The following HOXD13 variants were observed in gnomAD, a reference collection of about 807,000 sequenced individuals.
HOXD13 encodes homeobox D13, also known as homeobox protein Hox-D13.
A neutral mutation model predicts 27.3 loss-of-function variants in HOXD13; 16 were observed. The ratio of observed to expected loss-of-function variants is 0.59; its 90% confidence interval spans 0.40 to 0.89. HOXD13 has a LOEUF of 0.89. HOXD13 is among the 40% of genes least tolerant of loss of function. HOXD13 has a pLI of 0.00. For missense variants in HOXD13, 481 were observed against 482.6 expected (o/e 1.00, Z 0.03); for synonymous variants, 241 against 219.0 (o/e 1.10, Z -0.89).
Position 176,094,690 on chromosome 2 carries a change from A to G in HOXD13, c.992A>G (p.Asp331Gly). 6.2e-7 allele frequency: 1 copy of G among 1,614,142 alleles called. No homozygotes were observed. Among genetic ancestry groups the G allele is most frequent in the Non-Finnish European group, 8.5e-7 (1 of 1,179,962 alleles). Residue 331 changes from aspartate to glycine, a missense_variant, in exon 2 of 2, where the codon GAC (aspartate) becomes GGC (glycine). Coordinates refer to ENST00000392539, the MANE Select transcript of HOXD13 (RefSeq NM_000523.4). Reference protein sequence around the residue: ...TIWFQNRRVKDKKIVSKLKDT... With the variant: ...TIWFQNRRVKGKKIVSKLKDT... ...TGGTTTCAGAACCGAAGAGTGAAGG[A>G]CAAGAAAATTGTCTCCAAGCTCAAA... is the stretch of plus-strand genomic sequence containing the variant.
chr2:176,094,006 C>G (rs1689374426), intron 1 of HOXD13, among the ~76,000 whole-genome samples: 1 of 152,058 alleles, frequency 6.6e-6, no homozygotes, highest in African/African-American at 2.4e-5. Flanking sequence ...GAGTTGGGTC[C>G]CCCCATTTTC....
Position 176,095,435 on chromosome 2 carries a change from T to G in HOXD13, c.*705T>G, listed in dbSNP as rs1438927019. 1 of 230,088 alleles carries G rather than the reference T, an allele frequency of 4.3e-6. No homozygotes were observed. The highest frequency in any genetic ancestry group is 2.2e-5 in the African/African-American group (1 of 45,166). The allele number at this position is 230,088 out of a possible 1,614,324, so 14.3% of individuals were successfully genotyped here. A position where few individuals can be genotyped will look rare whatever the true frequency, so the allele number is the denominator to read the frequency against. On this transcript the variant is annotated 3_prime_UTR_variant, in exon 2 of 2. Coordinates refer to ENST00000392539, the MANE Select transcript of HOXD13 (RefSeq NM_000523.4). The stretch of plus-strand genomic sequence containing the variant: ...GGTTTGTGTTTTCATAATCTTTAAT[T>G]TGAAACTCATGTGTCCTCATGGATC...
In HOXD13 at chr2:176,094,837, G is replaced by C; in HGVS notation, c.*107G>C. 1 of 1,003,038 alleles carries C rather than the reference G, an allele frequency of 1.0e-6. No homozygotes were observed. Among genetic ancestry groups the C allele is most frequent in the East Asian group, 2.5e-5 (1 of 40,796 alleles). The allele number at this position is 1,003,038 out of a possible 1,614,324, so 62.1% of individuals were successfully genotyped here. On this transcript the variant is annotated 3_prime_UTR_variant, in exon 2 of 2. Transcript: ENST00000392539. ...TAATTCCCCCCACCCCCTGCCAATG[G>C]TGGCAAATTTTGTGAATTGTTTTTC...
In HOXD13 at chr2:176,093,064, GGCGGCGGCA is replaced by G. The variant is rs749930395; in HGVS notation, c.183_191del (p.Ala69_Ala71del). 4.5e-3 allele frequency: 6,166 copies of G among 1,378,998 alleles called. 74 individuals carry two copies. The highest frequency in any genetic ancestry group is 5.2e-3 in the Non-Finnish European group (5,557 of 1,077,134). 85.4% of individuals were successfully genotyped at this position (1,378,998 alleles called of 1,614,324 possible). On this transcript the variant is annotated inframe_deletion, in exon 1 of 2. Transcript: ENST00000392539. The stretch of plus-strand genomic sequence containing the variant: ...CCGGGACGCATTCGGGGCGGGCGGC[GGCGGCGGCA>G]GCGGCGGCTGCGGCGGCGGCGGCGG...
chr2:176,094,820 C>A lies in HOXD13; in HGVS notation c.*90C>A. 2 of 1,196,628 alleles carry A rather than the reference C, an allele frequency of 1.7e-6. No homozygotes were observed. The highest frequency in any genetic ancestry group is 2.5e-6 in the Non-Finnish European group (2 of 807,848). The allele number at this position is 1,196,628 out of a possible 1,614,324, so 74.1% of individuals were successfully genotyped here. On this transcript the variant is annotated 3_prime_UTR_variant, in exon 2 of 2. Coordinates refer to ENST00000392539, the MANE Select transcript of HOXD13 (RefSeq NM_000523.4). The stretch of plus-strand genomic sequence containing the variant: ...AGACTTGAATATGTATTTAATTCCC[C>A]CCACCCCCTGCCAATGGTGGCAAAT...
Position 176,094,496 on chromosome 2 carries a change from T to C in HOXD13, c.798T>C (p.Asn266=). Residue 266 remains asparagine, a synonymous_variant, in exon 2 of 2, where the codon AAT becomes AAC. Coordinates refer to ENST00000392539, the MANE Select transcript of HOXD13 (RefSeq NM_000523.4). The part of the protein sequence containing the change: ...KSSFPGDVAL[N]QPDMCVYRRG... ...TTGTATCAGGGGATGTGGCTCTAAA[T>C]CAGCCGGACATGTGCGTCTACCGAA... 1 of 1,614,038 alleles carries C rather than the reference T, an allele frequency of 6.2e-7. No homozygotes were observed. Among genetic ancestry groups the C allele is most frequent in the Non-Finnish European group, 8.5e-7 (1 of 1,180,010 alleles).
rs759038167 is a variant in HOXD13 at position 176,094,661 on chromosome 2, C to T, written c.963C>T (p.Thr321=). 2.5e-6 allele frequency: 4 copies of T among 1,613,502 alleles called. No individual in the cohort carries two copies. Among genetic ancestry groups the T allele is most frequent in the African/African-American group, 2.7e-5 (2 of 74,886 alleles). The change falls in exon 2 of 2, where the codon ACC becomes ACT. Residue 321 remains threonine (T), a synonymous_variant. Coordinates refer to ENST00000392539, the MANE Select transcript of HOXD13 (RefSeq NM_000523.4). ...CGAACCTATCTGAGAGACAAGTGAC[C>T]ATTTGGTTTCAGAACCGAAGAGTGA... ...AATNLSERQV[T]IWFQNRRVKD...
At chr2:176,088,150 C>G (rs1689269000), upstream of HOXD13, among the ~76,000 whole-genome samples, 1 of 152,272 alleles carries the variant, frequency 6.6e-6, no homozygotes, top group Non-Finnish European at 1.5e-5. Context: ...TGCAGTGGGA[C>G]AGTAGGACCG....
At chr2:176,092,718 C>T (rs931191057), upstream of HOXD13, among the ~76,000 whole-genome samples, 4 of 152,208 alleles carry the variant, frequency 2.6e-5, no homozygotes, top group South Asian at 8.3e-4. Flanking sequence ...GATGAGCTAA[C>T]CTGTTGGAGG....
At chr2:176,087,682 T>A in the HOXD13 span, among the ~76,000 whole-genome samples, 3 of 152,326 alleles carry the variant, frequency 2.0e-5, no homozygotes, top group South Asian at 4.1e-4. Flanking sequence ...CAAGGCCTCT[T>A]ACCCACTACC....
At chr2:176,090,769 C>G (rs925747978), upstream of HOXD13, among the ~76,000 whole-genome samples, 2 of 152,148 alleles carry the variant, frequency 1.3e-5, no homozygotes, top group Non-Finnish European at 2.9e-5. Context: ...AAAATAAAAG[C>G]ATTTCATGGT....
rs1559108689 is a variant in HOXD13, at chr2:176,094,480, GGGATGTGGCTCTAAATCAGCC to G, written c.786_806del (p.Val263_Asp269del). The G allele has an allele frequency of 6.2e-7, 1 of 1,613,748 alleles. No homozygotes were observed. Among genetic ancestry groups the G allele is most frequent in the Non-Finnish European group, 8.5e-7 (1 of 1,179,930 alleles). ...TTTCTTGTGCTTTTGTTTGTATCAGGGGATGTGGCTCTAAATCAGCCGGACATGTGCGTCTACCGAAGAGGG... is the reference window on the plus strand; with the variant it reads ...TTTCTTGTGCTTTTGTTTGTATCAGGGGACATGTGCGTCTACCGAAGAGGG... On this transcript the variant is annotated inframe_deletion and splice_region_variant, in exon 2 of 2. Coordinates refer to ENST00000392539, the MANE Select transcript of HOXD13 (RefSeq NM_000523.4).
chr2:176,092,873 G>T lies in HOXD13; in HGVS notation c.-18G>T. The T allele has an allele frequency of 8.1e-7, 1 of 1,228,010 alleles. No individual in the cohort carries two copies. Among genetic ancestry groups the T allele is most frequent in the Non-Finnish European group, 1.0e-6 (1 of 986,254 alleles). 76.1% of individuals were successfully genotyped at this position (1,228,010 alleles called of 1,614,324 possible). On this transcript the variant is annotated 5_prime_UTR_variant, in exon 1 of 2. Coordinates refer to ENST00000392539, the MANE Select transcript of HOXD13 (RefSeq NM_000523.4). ...GCGCGGGGCCAGGGCCAGGGCCGGG[G>T]CCGGGCCAGGCCGGGCCATGAGCCG...
Position 176,095,701 on chromosome 2 carries a change from TG to T in HOXD13, c.*972del, listed in dbSNP as rs757618157. 1.1e-4 allele frequency: 25 copies of T among 226,444 alleles called. No individual in the cohort carries two copies. The highest frequency in any genetic ancestry group is 2.0e-4 in the Non-Finnish European group (23 of 113,966). 14.0% of individuals were successfully genotyped at this position (226,444 alleles called of 1,614,324 possible). ...TAAACAAGGGGGCCTCGCATGGAGC[TG>T]TAAAGCATCTAACAAATATGAAAAA... On this transcript the variant is annotated 3_prime_UTR_variant, in exon 2 of 2. Transcript: ENST00000392539.
At position 176,092,941 on chromosome 2, in the gene HOXD13, GGGCGCCGGT is replaced by G; in HGVS notation, c.58_66del (p.Gly20_Ala22del). 1.5e-6 allele frequency: 2 copies of G among 1,330,238 alleles called. No homozygotes were observed. The highest frequency in any genetic ancestry group is 1.9e-6 in the Non-Finnish European group (2 of 1,043,282). 82.4% of individuals were successfully genotyped at this position (1,330,238 alleles called of 1,614,324 possible). A position where few individuals can be genotyped will look rare whatever the true frequency, so the allele number is the denominator to read the frequency against. ...TGGACGGGCTGCGGGCAGACGGCGG[GGGCGCCGGT>G]GGCGCCCCGGCCTCTTCCTCCTCCT... On this transcript the variant is annotated inframe_deletion, in exon 1 of 2. Transcript: ENST00000392539.
chr2:176,089,930 C>A (rs1009193020), upstream of HOXD13, among the ~76,000 whole-genome samples: 1 of 152,254 alleles, frequency 6.6e-6, no homozygotes, highest in Non-Finnish European at 1.5e-5. Flanking sequence ...CACACAAACA[C>A]AAGGCTTGGT....
At chr2:176,094,206 C>T (rs939370073) in intron 1 of HOXD13, among the ~76,000 whole-genome samples, 1 of 152,126 alleles carries the variant, frequency 6.6e-6, no homozygotes, top group East Asian at 1.9e-4. Flanking sequence ...AATAACCACA[C>T]CATAAAATTG....
chr2:176,089,068 G>T (rs1203507823), upstream of HOXD13, among the ~76,000 whole-genome samples: 2 of 152,198 alleles, frequency 1.3e-5, no homozygotes, highest in African/African-American at 4.8e-5. Flanking sequence ...TGCTGCAAAC[G>T]ATTTTCATTT....
At position 176,094,513 on chromosome 2, in the gene HOXD13, T is replaced by C; in HGVS notation, c.815T>C (p.Val272Ala). The C allele has an allele frequency of 6.2e-7, 1 of 1,614,088 alleles. No individual in the cohort carries two copies. The highest frequency in any genetic ancestry group is 8.5e-7 in the Non-Finnish European group (1 of 1,180,002). The change falls in exon 2 of 2, where the codon GTC becomes GCC. Residue 272 changes from valine to alanine, a missense_variant. Coordinates refer to ENST00000392539, the MANE Select transcript of HOXD13 (RefSeq NM_000523.4). ...DVALNQPDMC[V>A]YRRGRKKRVP... ...GCTCTAAATCAGCCGGACATGTGCG[T>C]CTACCGAAGAGGGAGGAAGAAGAGA...
Sources: gnomAD v4.1 joint callset for allele counts (sites outside exome capture counted in the v4.1 genomes callset) on GRCh38, gnomAD v4.1.1 for gene constraint, MANE v1.5 for transcripts, NCBI Gene and HGNC (gene_info 2026-07-23, HGNC 2026-07-21) for gene names.